Variants in SHROOM3 observed in about 807,000 individuals in gnomAD.
SHROOM3 encodes the protein protein Shroom3.
Under a neutral mutation model 138.6 loss-of-function variants are expected in SHROOM3, and 47 were observed. That is an observed-to-expected ratio of 0.34 (90% CI 0.27 to 0.43). The LOEUF (loss-of-function observed/expected upper bound fraction) is 0.43. SHROOM3 is among the 20% of genes least tolerant of loss of function. The pLI, the probability that SHROOM3 is intolerant of heterozygous loss-of-function variation, is 1.00. For synonymous variants in SHROOM3, 1,062 were observed against 1,063.3 expected (o/e 1.00, Z 0.02); for missense variants, 2,491 against 2,596.5 (o/e 0.96, Z 0.88).
chr4:76,466,958 A>G (rs1486022461), intron 1 of SHROOM3, among the ~76,000 whole-genome samples: 2 of 151,992 alleles, frequency 1.3e-5, no homozygotes, highest in Non-Finnish European at 2.9e-5. Context: ...AAGGAAACTA[A>G]TATTTCTTGC....
At position 76,544,407 on chromosome 4, in the gene SHROOM3, C is replaced by CTTTTTTTTTTTT. The variant is rs58799466; in HGVS notation, c.169-11186_169-11175dup. Among the ~76,000 whole-genome samples, 7 of 75,870 alleles carry CTTTTTTTTTTTT rather than the reference C, an allele frequency of 9.2e-5. 1 individual carries two copies. The highest frequency in any genetic ancestry group is 1.7e-4 in the Admixed American group (1 of 5,828). The allele number at this position is 75,870 out of a possible 152,430, so 49.8% of individuals were successfully genotyped here. A position where few individuals can be genotyped will look rare whatever the true frequency, so the allele number is the denominator to read the frequency against. The stretch of plus-strand genomic sequence containing the variant: ...AAAAAATTTTAAGATAGCTCAATGG[C>CTTTTTTTTTTTT]TTTTTTTTTTTTTTTTTTTTTTTTT... On this transcript the variant is annotated intron_variant, in intron 1 of 10. Coordinates refer to ENST00000296043, the MANE Select transcript of SHROOM3 (RefSeq NM_020859.4).
chr4:76,766,554 T>G (rs1466940133), intron 9 of SHROOM3, among the ~76,000 whole-genome samples: 1 of 152,186 alleles, frequency 6.6e-6, no homozygotes, highest in Non-Finnish European at 1.5e-5. Flanking sequence ...ATTTCACAAA[T>G]TAAGTAGCTC....
chr4:76,766,610 C>T (rs1722163823), intron 9 of SHROOM3, among the ~76,000 whole-genome samples: 1 of 152,170 alleles, frequency 6.6e-6, no homozygotes. Context: ...CCTCTTCTCC[C>T]TCCCCCGGTG....
intron 1 of SHROOM3, among the ~76,000 whole-genome samples, chr4:76,465,510 A>G (rs1731232542): frequency 1.3e-5 from 2 of 152,164 alleles, no homozygotes; most frequent in African/African-American, 2.4e-5. Context: ...CTTTCTCAGA[A>G]TCACACTGCA....
At chr4:76,768,370 A>G (rs1433876688) in intron 9 of SHROOM3, among the ~76,000 whole-genome samples, 1 of 152,232 alleles carries the variant, frequency 6.6e-6, no homozygotes, top group East Asian at 1.9e-4. Flanking sequence ...TCTTGCAGGT[A>G]AATTTCATAG....
intron 1 of SHROOM3, among the ~76,000 whole-genome samples, chr4:76,465,931 G>T (rs953714827): frequency 6.6e-6 from 1 of 152,182 alleles, no homozygotes; most frequent in Non-Finnish European, 1.5e-5. Flanking sequence ...GTGCCCTAGT[G>T]GGAAAGTATC....
At chr4:76,657,633 G>A (rs1359596154) in intron 2 of SHROOM3, among the ~76,000 whole-genome samples, 1 of 152,198 alleles carries the variant, frequency 6.6e-6, no homozygotes, top group Non-Finnish European at 1.5e-5. Context: ...CTGTTTGGGG[G>A]TGGGGGGGTC....
intron 1 of SHROOM3, among the ~76,000 whole-genome samples, chr4:76,455,717 A>T (rs755489039): frequency 3.9e-5 from 6 of 152,196 alleles, no homozygotes; most frequent in Non-Finnish European, 5.9e-5. Context: ...ATTTTTTTTA[A>T]CCTGTAAGAC....
chr4:76,595,504 G>A (rs1734362165), intron 2 of SHROOM3, among the ~76,000 whole-genome samples: 2 of 152,230 alleles, frequency 1.3e-5, no homozygotes, highest in Admixed American at 6.5e-5. Flanking sequence ...CGTCCTCACA[G>A]AGTCTTGTCC....
intron 1 of SHROOM3, among the ~76,000 whole-genome samples, chr4:76,486,091 G>A (rs1242769016): frequency 1.3e-5 from 2 of 152,124 alleles, no homozygotes; most frequent in Admixed American, 6.5e-5. Context: ...AAAAATAAGT[G>A]CGTGCTGCCA....
intron 2 of SHROOM3, among the ~76,000 whole-genome samples, chr4:76,616,360 TG>T (rs747790960): frequency 4.8e-5 from 7 of 145,084 alleles, no homozygotes; most frequent in Non-Finnish European, 9.5e-5. Flanking sequence ...TGTACACACA[TG>T]TTCATAGCAG....
intron 3 of SHROOM3, among the ~76,000 whole-genome samples, chr4:76,723,349 A>T (rs1035794497): frequency 2.0e-5 from 3 of 151,998 alleles, no homozygotes; most frequent in African/African-American, 7.2e-5. Flanking sequence ...ACCCAAACTC[A>T]TTCCTCCTCT....
intron 2 of SHROOM3, among the ~76,000 whole-genome samples, chr4:76,680,593 C>T (rs1251580319): frequency 6.6e-6 from 1 of 152,184 alleles, no homozygotes; most frequent in Non-Finnish European, 1.5e-5. Flanking sequence ...TAAGTGCTGC[C>T]TGATTAATAA....
intron 2 of SHROOM3, among the ~76,000 whole-genome samples, chr4:76,572,015 A>G (rs901681648): frequency 1.3e-5 from 2 of 151,962 alleles, no homozygotes; most frequent in African/African-American, 4.8e-5. Context: ...CTTCCTCCAT[A>G]CTGCGCCCCC....
chr4:76,741,740 T>G lies in SHROOM3; in HGVS notation c.3567T>G (p.Leu1189=). Residue 1189 remains leucine (L), a synonymous_variant, in exon 5 of 11, where the codon CTT becomes CTG. Coordinates refer to ENST00000296043, the MANE Select transcript of SHROOM3 (RefSeq NM_020859.4). This position sits in a 1 kb window ranked among gnomAD's most constrained non-coding sequence, Gnocchi z 6.2. ...RLGERRRGDL[L]SGANGGTRGT... is the part of the protein sequence containing the mutation. ...GGGAACGGCGACGCGGGGACCTGCT[T>G]AGCGGAGCAAACGGTGGAACAAGGG... 6.4e-7 allele frequency: 1 copy of G among 1,561,126 alleles called. No individual in the cohort carries two copies.
At chr4:76,730,694 A>C in intron 3 of SHROOM3, 110 bp from the exon 4 acceptor site, 1 of 1,445,518 alleles carries the variant, frequency 6.9e-7, no homozygotes, top group Non-Finnish European at 9.6e-7. Flanking sequence ...GTTGCTTTTC[A>C]ATCTCTGAGG....
chr4:76,552,012 C>T (rs546137691), intron 1 of SHROOM3, among the ~76,000 whole-genome samples: 4 of 141,002 alleles, frequency 2.8e-5, no homozygotes, highest in South Asian at 2.3e-4. Flanking sequence ...CAGGCGCCCG[C>T]CATCACGCCC....
chr4:76,741,184 G>A lies in SHROOM3; in HGVS notation c.3011G>A (p.Arg1004Gln), dbSNP rs751669045. ...GCCAGGCCCGTGCCCCCTGCCGCCC[G>A]GAGAGGTGCTCGCCGGCGCCTGACT... ...DLARPVPPAARRGARRRLTPE... is the reference protein window; with the variant it reads ...DLARPVPPAAQRGARRRLTPE... Residue 1004 changes from arginine to glutamine, a missense_variant, in exon 5 of 11, where the codon CGG becomes CAG. Coordinates refer to ENST00000296043, the MANE Select transcript of SHROOM3 (RefSeq NM_020859.4). This position sits in a 1 kb window ranked among gnomAD's most constrained non-coding sequence, Gnocchi z 6.2. The A allele has an allele frequency of 5.3e-5, 85 of 1,594,550 alleles. No homozygotes were observed. The highest frequency in any genetic ancestry group is 3.4e-4 in the Middle Eastern group (2 of 5,926).
chr4:76,772,408 A>G (rs1722393221), intron 10 of SHROOM3, among the ~76,000 whole-genome samples: 1 of 151,238 alleles, frequency 6.6e-6, no homozygotes, highest in African/African-American at 2.4e-5. Flanking sequence ...CCAGCCTACC[A>G]TACCATCTTT....
Sources: allele counts gnomAD v4.1 joint callset (sites outside exome capture counted in the v4.1 genomes callset), GRCh38; gene constraint gnomAD v4.1.1; non-coding constraint Gnocchi (gnomAD v3.1); transcripts MANE v1.5; gene names NCBI Gene and HGNC (gene_info 2026-07-23, HGNC 2026-07-21).